Variants in IGFN1 observed in about 807,000 individuals in gnomAD.
IGFN1 encodes immunoglobulin like and fibronectin type III domain containing 1.
IGFN1 carries 253 observed loss-of-function variants against 289.5 expected under a neutral mutation model. The observed-to-expected ratio is 0.87, with a 90% CI of 0.79 to 0.97. The LOEUF is 0.97. Among genes scored for constraint, IGFN1 ranks in the 50% least tolerant of loss-of-function variants. The pLI is 0.00. For missense variants in IGFN1, 4,470 were observed against 4,686.1 expected (o/e 0.95, Z 1.35); for synonymous variants, 1,706 against 1,788.5 (o/e 0.95, Z 1.16).
Position 201,212,803 on chromosome 1 carries a change from G to C in IGFN1, c.7910G>C (p.Gly2637Ala). ...PDWENQGFSQ[G>A]SIDAGKQPAG... is the part of the protein sequence containing the mutation. ...TGGGAAAACCAGGGGTTTAGCCAAGGCAGCATAGATGCTGGGAAGCAGCCC... is the reference window on the plus strand; with the variant it reads ...TGGGAAAACCAGGGGTTTAGCCAAGCCAGCATAGATGCTGGGAAGCAGCCC... The change falls in exon 12 of 24, where the codon GGC (glycine) becomes GCC (alanine). Residue 2637 changes from glycine (G) to alanine (A), a missense_variant. By Grantham distance (60) the Gly-to-Ala change is moderately conservative. Transcript: ENST00000335211. 1 of 1,551,490 alleles carries C rather than the reference G, an allele frequency of 6.4e-7. No individual in the cohort carries two copies. Among genetic ancestry groups the C allele is most frequent in the South Asian group, 1.2e-5 (1 of 84,062 alleles).
Position 201,206,202 on chromosome 1 carries a change from G to C in IGFN1, c.1309G>C (p.Glu437Gln). ...CGAGAGCCAGGGAGAGAAATCCAGA[G>C]AGCAGGGCCCCAGGGGGGGCTCCCT... is the stretch of plus-strand genomic sequence containing the variant. ...SIESQGEKSR[E>Q]QGPRGGSLEG... The change falls in exon 12 of 24, where the codon GAG becomes CAG. Residue 437 changes from glutamate to glutamine, a missense_variant. Around this residue, in one of 8 missense-constraint regions of IGFN1, gnomAD observed 2,011 missense variants for 1,953.4 expected, o/e 1.03. Transcript: ENST00000335211. 2.6e-6 allele frequency: 4 copies of C among 1,549,722 alleles called. No individual in the cohort carries two copies. In the South Asian group the frequency reaches 4.8e-5, roughly 18 times the overall value.
chr1:201,226,336 G>A (rs1312562699), intron 22 of IGFN1, among the ~76,000 whole-genome samples: 1 of 152,052 alleles, frequency 6.6e-6, no homozygotes, highest in Admixed American at 6.5e-5. Flanking sequence ...CCCGACCTCC[G>A]TGGGAAGAAT....
intron 3 of IGFN1, among the ~76,000 whole-genome samples, chr1:201,194,909 G>A (rs1324225630): frequency 1.3e-5 from 2 of 152,166 alleles, no homozygotes; most frequent in African/African-American, 4.8e-5. Context: ...AATTGGGAAG[G>A]GCCCTTGGGC....
At chr1:201,203,368 T>C (rs2102328427) in intron 9 of IGFN1, among the ~76,000 whole-genome samples, 2 of 152,336 alleles carry the variant, frequency 1.3e-5, no homozygotes, top group Middle Eastern at 6.8e-3. Flanking sequence ...TAAGTTGAGC[T>C]GGGGCCTCTG....
At chr1:201,221,795 A>G in intron 19 of IGFN1, 49 bp downstream of exon 19, 2 of 1,498,238 alleles carry the variant, frequency 1.3e-6, no homozygotes, top group Non-Finnish European at 1.8e-6. Flanking sequence ...GGCCTCTCCT[A>G]AGAGGGGGCC....
At chr1:201,222,939 C>A in intron 20 of IGFN1, 112 bp downstream of exon 20, 1 of 616,788 alleles carries the variant, frequency 1.6e-6, no homozygotes, top group Non-Finnish European at 2.8e-6. Flanking sequence ...CTAGTCAGTG[C>A]TTGTGGAAAT....
chr1:201,215,800 G>A lies in IGFN1; in HGVS notation c.9257G>A (p.Gly3086Glu). 2 of 1,596,848 alleles carry A rather than the reference G, an allele frequency of 1.3e-6. No homozygotes were observed. Among genetic ancestry groups the A allele is most frequent in the Non-Finnish European group, 1.7e-6 (2 of 1,170,274 alleles). The change falls in exon 15 of 24, where the codon GGA (glycine) becomes GAA (glutamate). Residue 3086 changes from glycine to glutamate, a missense_variant. Physicochemically the swap from Gly to Glu is moderately conservative, Grantham distance 98 (BLOSUM62 -2). Transcript: ENST00000335211. The stretch of plus-strand genomic sequence containing the variant: ...TACAGCGTGACACTGAGGAGTGAGG[G>A]AGGCTCTGTGCAGGCCGAGCTCACT... ...GQYSVTLRSE[G>E]GSVQAELTLQ...
chr1:201,212,605 G>C lies in IGFN1; in HGVS notation c.7712G>C (p.Gly2571Ala), dbSNP rs778396416. 5.2e-6 allele frequency: 8 copies of C among 1,546,044 alleles called. No homozygotes were observed. In the Admixed American group the frequency reaches 9.9e-5, roughly 19 times the overall value. Residue 2571 changes from glycine to alanine, a missense_variant, in exon 12 of 24, where the codon GGG becomes GCG. Around this residue, in one of 8 missense-constraint regions of IGFN1, gnomAD observed 2,218 missense variants for 2,114.1 expected, o/e 1.05. Transcript: ENST00000335211. The part of the protein sequence containing the change: ...TDRGRVAGQG[G>A]LASQGGGDSL... Reference sequence around the variant, plus strand: ...AGGGGTAGAGTTGCTGGCCAGGGGGGGTTGGCATCTCAGGGAGGTGGGGAC... The same window carrying C: ...AGGGGTAGAGTTGCTGGCCAGGGGGCGTTGGCATCTCAGGGAGGTGGGGAC...
chr1:201,212,065 G>A lies in IGFN1; in HGVS notation c.7172G>A (p.Gly2391Glu). 6.5e-6 allele frequency: 10 copies of A among 1,536,424 alleles called. No homozygotes were observed. In the South Asian group the frequency reaches 1.2e-4, roughly 18 times the overall value. ...CATAAAGCCATGGGTCACAGGTCAG[G>A]ATATTGGGTAGCATCAGAGGGTGAC... Reference protein sequence around the residue: ...RGHKAMGHRSGYWVASEGDTN... With the variant: ...RGHKAMGHRSEYWVASEGDTN... The change falls in exon 12 of 24, where the codon GGA (glycine) becomes GAA (glutamate). Residue 2391 changes from glycine to glutamate, a missense_variant. Gly to Glu is a moderately conservative substitution (Grantham distance 98). Coordinates refer to ENST00000335211, the MANE Select transcript of IGFN1 (RefSeq NM_001164586.2).
intron 1 of IGFN1, among the ~76,000 whole-genome samples, chr1:201,191,728 C>T (rs1216906991): frequency 1.3e-5 from 2 of 152,280 alleles, no homozygotes; most frequent in African/African-American, 4.8e-5. Flanking sequence ...CTAAGTTCCC[C>T]CAAGAGCTTT....
In IGFN1 at chr1:201,212,499, G is replaced by A; in HGVS notation, c.7606G>A (p.Gly2536Ser). Residue 2536 changes from glycine to serine, a missense_variant, in exon 12 of 24, where the codon GGT (glycine) becomes AGT (serine). Coordinates refer to ENST00000335211, the MANE Select transcript of IGFN1 (RefSeq NM_001164586.2). ...TCTTGATGGCAAGGGGGCAGTGGAAGGTGAGACCTGGGCAGGAATGGCTGC... is the reference window on the plus strand; with the variant it reads ...TCTTGATGGCAAGGGGGCAGTGGAAAGTGAGACCTGGGCAGGAATGGCTGC... Reference protein sequence around the residue: ...GFLDGKGAVEGETWAGMAALG... With the variant: ...GFLDGKGAVESETWAGMAALG... The A allele has an allele frequency of 6.5e-7, 1 of 1,543,366 alleles. No individual in the cohort carries two copies. The highest frequency in any genetic ancestry group is 1.2e-5 in the South Asian group (1 of 84,060).
At chr1:201,217,211 C>A (rs1009002109) in intron 16 of IGFN1, 76 bp from the exon 17 acceptor site, 1 of 1,372,834 alleles carries the variant, frequency 7.3e-7, no homozygotes, top group East Asian at 2.3e-5. Context: ...TGCCTGTGCC[C>A]CCTACCCCCA....
chr1:201,205,645 C>G (rs1667380804), intron 11 of IGFN1, among the ~76,000 whole-genome samples: 2 of 152,166 alleles, frequency 1.3e-5, no homozygotes, highest in Non-Finnish European at 2.9e-5. Flanking sequence ...GCCCCTGCAC[C>G]AGACCAGAGA....
In IGFN1 at chr1:201,209,318, G is replaced by A; in HGVS notation, c.4425G>A (p.Lys1475=). The change falls in exon 12 of 24, where the codon AAG becomes AAA. Residue 1475 remains lysine (K), a synonymous_variant. Transcript: ENST00000335211. ...GAPERMDSGS[K]AGYRGGLRGS... Reference sequence around the variant, plus strand: ...CTGAGAGAATGGATTCAGGGAGCAAGGCAGGTTACAGGGGTGGTTTAAGGG... The same window carrying A: ...CTGAGAGAATGGATTCAGGGAGCAAAGCAGGTTACAGGGGTGGTTTAAGGG... 6.7e-7 allele frequency: 1 copy of A among 1,483,486 alleles called. No individual in the cohort carries two copies. The highest frequency in any genetic ancestry group is 1.4e-5 in the African/African-American group (1 of 70,824). The allele number at this position is 1,483,486 out of a possible 1,614,324, so 91.9% of individuals were successfully genotyped here. A position where few individuals can be genotyped will look rare whatever the true frequency, so the allele number is the denominator to read the frequency against.
chr1:201,195,620 T>C (rs566622118), intron 3 of IGFN1, among the ~76,000 whole-genome samples: 100 of 152,268 alleles, frequency 6.6e-4, no homozygotes, highest in Non-Finnish European at 1.0e-3. Flanking sequence ...TTCTGCAATA[T>C]AGAAAGAGGA....
rs776364723 is a variant in IGFN1, at chr1:201,212,768, G to A, written c.7875G>A (p.Trp2625Ter). 1 of 1,551,526 alleles carries A rather than the reference G, an allele frequency of 6.4e-7. No homozygotes were observed. The highest frequency in any genetic ancestry group is 1.2e-5 in the South Asian group (1 of 84,048). The stretch of plus-strand genomic sequence containing the variant: ...ATAGACAAGGGACGAGCAATGCTTG[G>A]GCTCCTGATTGGGAAAACCAGGGGT... The part of the protein sequence containing the change: ...PADRQGTSNA[W>*]APDWENQGFS... The change falls in exon 12 of 24, where the codon TGG becomes TGA. Residue 2625 changes from tryptophan (W) to a stop codon, truncating the protein, a stop_gained. Coordinates refer to ENST00000335211, the MANE Select transcript of IGFN1 (RefSeq NM_001164586.2). LOFTEE classifies it high-confidence loss of function.
intron 14 of IGFN1, 48 bp from the exon 15 acceptor site, chr1:201,215,490 CA>C (rs766912408): frequency 4.0e-5 from 59 of 1,473,208 alleles, no homozygotes; most frequent in Non-Finnish European, 5.2e-5. Flanking sequence ...CTATATTCCC[CA>C]GGTGCCCAGT....
In IGFN1 at chr1:201,208,957, G is replaced by A. The variant is rs1667572251; in HGVS notation, c.4064G>A (p.Gly1355Glu). 6.5e-7 allele frequency: 1 copy of A among 1,535,984 alleles called. No homozygotes were observed. Residue 1355 changes from glycine to glutamate, a missense_variant, in exon 12 of 24, where the codon GGG becomes GAG. This residue lies in a region of IGFN1 where 2,011 missense variants were observed against 1,953.4 expected (regional missense o/e 1.03). Coordinates refer to ENST00000335211, the MANE Select transcript of IGFN1 (RefSeq NM_001164586.2). ...GLQDSREAGS[G>E]SKADYSGGLK... is the part of the protein sequence containing the mutation. Reference sequence around the variant, plus strand: ...CAGGATTCCAGGGAAGCGGGTTCAGGGAGCAAGGCAGATTATAGCGGTGGT... The same window carrying A: ...CAGGATTCCAGGGAAGCGGGTTCAGAGAGCAAGGCAGATTATAGCGGTGGT...
At chr1:201,193,196 G>T in intron 1 of IGFN1, 51 bp from the exon 2 acceptor site, 1 of 856,242 alleles carries the variant, frequency 1.2e-6, no homozygotes, top group Non-Finnish European at 1.9e-6. Context: ...TGGGAGGGGT[G>T]GGGTGAGACC....
Sources: allele counts gnomAD v4.1 joint callset (sites outside exome capture counted in the v4.1 genomes callset), GRCh38; gene constraint gnomAD v4.1.1; regional missense constraint gnomAD v4.1.1; transcripts MANE v1.5; gene names NCBI Gene and HGNC (gene_info 2026-07-23, HGNC 2026-07-21).